The following PTPRJ variants were observed in gnomAD, a reference collection of about 807,000 sequenced individuals.
PTPRJ encodes the protein receptor-type tyrosine-protein phosphatase eta.
A neutral mutation model predicts 141.3 loss-of-function variants in PTPRJ; 129 were observed. The ratio of observed to expected loss-of-function variants is 0.91; its 90% CI spans 0.79 to 1.06. The LOEUF (loss-of-function observed/expected upper bound fraction) is 1.06. Among genes scored for constraint, PTPRJ ranks in the 50% least tolerant of loss-of-function variants. The probability of loss-of-function intolerance (pLI) is 0.00; values close to 1 mark genes in which losing one functional copy is unlikely to be tolerated. For synonymous variants in PTPRJ, 610 were observed against 640.5 expected (o/e 0.95, Z 0.72); for missense variants, 1,601 against 1,679.7 (o/e 0.95, Z 0.82).
intron 6 of PTPRJ, 141 bp from the exon 7 acceptor site, chr11:48,127,639 C>T: frequency 1.1e-6 from 1 of 880,790 alleles, no homozygotes; most frequent in Non-Finnish European, 1.7e-6. Flanking sequence ...TCATGCTTTC[C>T]TAGCCACGGT....
chr11:47,980,768 G>T lies in PTPRJ; in HGVS notation c.-145G>T. On this transcript the variant is annotated 5_prime_UTR_variant, in exon 1 of 25. Coordinates refer to ENST00000418331, the MANE Select transcript of PTPRJ (RefSeq NM_002843.4). Reference sequence around the variant, plus strand: ...CTGCCATGTCTCCGGGGAAGCCCGGGGCGGGCGGAGCGGGGACGAGGCGGA... The same window carrying T: ...CTGCCATGTCTCCGGGGAAGCCCGGTGCGGGCGGAGCGGGGACGAGGCGGA... 3 of 1,025,196 alleles carry T rather than the reference G, an allele frequency of 2.9e-6. No homozygotes were observed. Among genetic ancestry groups the T allele is most frequent in the Non-Finnish European group, 3.5e-6 (3 of 858,124 alleles). 63.5% of individuals were successfully genotyped at this position (1,025,196 alleles called of 1,614,324 possible). A position where few individuals can be genotyped will look rare whatever the true frequency, so the allele number is the denominator to read the frequency against.
At chr11:48,166,266 T>C (rs897638468) in intron 24 of PTPRJ, among the ~76,000 whole-genome samples, 2 of 152,036 alleles carry the variant, frequency 1.3e-5, no homozygotes, top group Non-Finnish European at 2.9e-5. Context: ...TATGTACATC[T>C]GTAAACACAC....
chr11:48,132,373 A>C, intron 8 of PTPRJ: 1 of 966,988 alleles, frequency 1.0e-6, no homozygotes, highest in Non-Finnish European at 1.2e-6. Flanking sequence ...TCAAAAAAAA[A>C]TTTTTTTTTA....
chr11:48,035,905 C>T (rs993165503), intron 1 of PTPRJ, among the ~76,000 whole-genome samples: 2 of 152,188 alleles, frequency 1.3e-5, no homozygotes, highest in East Asian at 1.9e-4. Flanking sequence ...TAGTTTTTAA[C>T]CCATGTTCTA....
chr11:48,013,448 G>C (rs950622165), intron 1 of PTPRJ, among the ~76,000 whole-genome samples: 1 of 152,194 alleles, frequency 6.6e-6, no homozygotes, highest in Admixed American at 6.5e-5. Context: ...GGATCTGAAG[G>C]CCAGTGGGGG....
intron 1 of PTPRJ, among the ~76,000 whole-genome samples, chr11:48,060,746 C>G (rs887744871): frequency 6.6e-6 from 1 of 152,184 alleles, no homozygotes; most frequent in Non-Finnish European, 1.5e-5. Flanking sequence ...GCTTTTCTTC[C>G]TCATCTCTAC....
At chr11:48,080,975 C>T (rs1421743392) in intron 1 of PTPRJ, among the ~76,000 whole-genome samples, 1 of 152,246 alleles carries the variant, frequency 6.6e-6, no homozygotes, top group Non-Finnish European at 1.5e-5. Context: ...GTCAATGATT[C>T]TCAAACCTTA....
chr11:48,157,083 G>A (rs982043539), intron 21 of PTPRJ, among the ~76,000 whole-genome samples: 3 of 151,968 alleles, frequency 2.0e-5, no homozygotes, highest in Non-Finnish European at 4.4e-5. Flanking sequence ...CCGACTCCCT[G>A]GTTCAAGCGA....
At chr11:48,050,273 C>G (rs944782125) in intron 1 of PTPRJ, among the ~76,000 whole-genome samples, 7 of 152,086 alleles carry the variant, frequency 4.6e-5, no homozygotes, top group Non-Finnish European at 8.8e-5. Flanking sequence ...TAGAGTAGTT[C>G]TAGGTTCACA....
At chr11:48,099,583 G>A (rs576766530) in intron 1 of PTPRJ, among the ~76,000 whole-genome samples, 2 of 152,052 alleles carry the variant, frequency 1.3e-5, no homozygotes, top group South Asian at 4.2e-4. Flanking sequence ...GTCTCCTCCC[G>A]TCACTCTCTT....
At chr11:48,134,712 C>T (rs540571855) in intron 8 of PTPRJ, among the ~76,000 whole-genome samples, 4 of 152,220 alleles carry the variant, frequency 2.6e-5, no homozygotes, top group Admixed American at 6.5e-5. Flanking sequence ...TTGAAAGCCG[C>T]GGTAGAAAAT....
Position 48,100,630 on chromosome 11 carries a change from C to G in PTPRJ, c.97-9428C>G, listed in dbSNP as rs1036350958. On this transcript the variant is annotated intron_variant, in intron 1 of 24. Coordinates refer to ENST00000418331, the MANE Select transcript of PTPRJ (RefSeq NM_002843.4). ...AATGATCAAATGGGCTGGGTGTGGT[C>G]CCAGCACTTTGGGAGGCCAAGGCGG... 1.2e-4 allele frequency among the ~76,000 whole-genome samples: 19 copies of G among 152,280 alleles called. No homozygotes were observed. In the South Asian group the frequency reaches 3.9e-3, roughly 32 times the overall value.
At chr11:48,082,091 A>G (rs1214699538) in intron 1 of PTPRJ, among the ~76,000 whole-genome samples, 1 of 152,132 alleles carries the variant, frequency 6.6e-6, no homozygotes, top group African/African-American at 2.4e-5. Flanking sequence ...ATCTCCAAAT[A>G]TTGGCACCTA....
intron 1 of PTPRJ, among the ~76,000 whole-genome samples, chr11:48,041,585 A>G (rs1268674818): frequency 6.6e-6 from 1 of 152,188 alleles, no homozygotes; most frequent in African/African-American, 2.4e-5. Context: ...GAAAGGCTTT[A>G]TCCCTGAGAC....
At chr11:48,016,667 A>T (rs191328745) in intron 1 of PTPRJ, among the ~76,000 whole-genome samples, 148 of 152,112 alleles carry the variant, frequency 9.7e-4, no homozygotes, top group African/African-American at 3.4e-3. Flanking sequence ...GCCTCACAGG[A>T]TGGTCATGAG....
At chr11:48,026,560 C>T (rs995119691) in intron 1 of PTPRJ, among the ~76,000 whole-genome samples, 1 of 151,884 alleles carries the variant, frequency 6.6e-6, no homozygotes, top group African/African-American at 2.4e-5. Flanking sequence ...TGGCTCACCG[C>T]AACCTCTGCC....
intron 1 of PTPRJ, among the ~76,000 whole-genome samples, chr11:48,005,473 T>G (rs977142843): frequency 6.6e-6 from 1 of 152,264 alleles, no homozygotes; most frequent in African/African-American, 2.4e-5. Flanking sequence ...ATTCTGGCTA[T>G]TTCGCCTAGC....
Position 48,155,978 on chromosome 11 carries a change from T to G in PTPRJ, c.3304-7T>G. On this transcript the variant is annotated splice_polypyrimidine_tract_variant and splice_region_variant and intron_variant, in intron 20 of 24. Transcript: ENST00000418331. ...GAGGTTGACTATGTGCTGTTTCCCA[T>G]TTTTAGGGCTACCACTCCAAGAAAG... 1 of 1,609,454 alleles carries G rather than the reference T, an allele frequency of 6.2e-7. No homozygotes were observed. Among genetic ancestry groups the G allele is most frequent in the East Asian group, 2.2e-5 (1 of 44,854 alleles).
intron 1 of PTPRJ, among the ~76,000 whole-genome samples, chr11:48,043,776 T>C (rs1289927366): frequency 6.6e-6 from 1 of 152,196 alleles, no homozygotes; most frequent in African/African-American, 2.4e-5. Flanking sequence ...CATGGTGGGC[T>C]AATGGCTCTG....
Sources: allele counts gnomAD v4.1 joint callset (sites outside exome capture counted in the v4.1 genomes callset), GRCh38; gene constraint gnomAD v4.1.1; transcripts MANE v1.5; gene names NCBI Gene and HGNC (gene_info 2026-07-23, HGNC 2026-07-21).